The following FSIP1 variants were observed in gnomAD, a reference collection of about 807,000 sequenced individuals.
FSIP1 encodes fibrous sheath-interacting protein 1.
In FSIP1, 65 loss-of-function variants were observed where a neutral mutation model predicts 60.9. The observed-to-expected ratio is 1.07, with a 90% CI of 0.87 to 1.31. The LOEUF is 1.31. Among genes scored for constraint, FSIP1 ranks in the 40% most tolerant of loss-of-function variants. The pLI, the probability that FSIP1 is intolerant of heterozygous loss-of-function variation, is 0.00. For missense variants in FSIP1, 675 were observed against 665.5 expected (o/e 1.01, Z -0.16); for synonymous variants, 209 against 221.2 (o/e 0.94, Z 0.49).
At chr15:39,782,065 TTA>T (rs1322548728) in intron 1 of FSIP1, among the ~76,000 whole-genome samples, 1 of 152,198 alleles carries the variant, frequency 6.6e-6, no homozygotes, top group Non-Finnish European at 1.5e-5. Context: ...CAAAGAACAC[TTA>T]TGTTTCAAAT....
chr15:39,716,475 C>A (rs546560808), intron 9 of FSIP1, among the ~76,000 whole-genome samples: 1 of 152,086 alleles, frequency 6.6e-6, no homozygotes, highest in Non-Finnish European at 1.5e-5. Context: ...GACTTGTATC[C>A]AGAATATGTA....
chr15:39,604,009 G>A (rs1280042101), intron 11 of FSIP1, among the ~76,000 whole-genome samples: 3 of 152,148 alleles, frequency 2.0e-5, no homozygotes, highest in East Asian at 1.9e-4. Context: ...TCAGTTCACC[G>A]CAACCTCCAC....
At chr15:39,714,031 TTGCCC>T (rs1895639999) in intron 9 of FSIP1, among the ~76,000 whole-genome samples, 1 of 152,224 alleles carries the variant, frequency 6.6e-6, no homozygotes, top group South Asian at 2.1e-4. Context: ...TTTTGAATCT[TTGCCC>T]TGCCTGGTTC....
rs535953015 is a variant in FSIP1 at position 39,760,372 on chromosome 15, G to GA, written c.559+3448dup. Among the ~76,000 whole-genome samples the GA allele has an allele frequency of 1.4e-4, 22 of 151,964 alleles. No individual in the cohort carries two copies. The South Asian group carries it at 4.6e-3, about 32-fold the overall frequency. On this transcript the variant is annotated intron_variant, in intron 5 of 11. Coordinates refer to ENST00000350221, the MANE Select transcript of FSIP1 (RefSeq NM_152597.5). ...CCCAAGATATGTATTAATTGTAAAA[G>GA]AAAAAAATAGTAATTTTACAGTGCA...
chr15:39,630,012 T>C (rs1595550304), intron 10 of FSIP1, among the ~76,000 whole-genome samples: 1 of 152,296 alleles, frequency 6.6e-6, no homozygotes, highest in Middle Eastern at 3.4e-3. Flanking sequence ...CACAAATGGG[T>C]GACTTGTAGC....
chr15:39,749,042 T>G (rs1897082707), intron 5 of FSIP1, among the ~76,000 whole-genome samples: 1 of 151,666 alleles, frequency 6.6e-6, no homozygotes, highest in Non-Finnish European at 1.5e-5. Context: ...GTCAAAAAAT[T>G]TGATAACCTA....
chr15:39,657,035 C>CTT (rs1284467461), intron 10 of FSIP1, among the ~76,000 whole-genome samples: 7 of 152,202 alleles, frequency 4.6e-5, no homozygotes, highest in African/African-American at 1.7e-4. Context: ...GCTAAAACAG[C>CTT]ACCTTCTTTG....
chr15:39,747,644 G>A (rs1220868033), intron 5 of FSIP1, among the ~76,000 whole-genome samples: 1 of 152,136 alleles, frequency 6.6e-6, no homozygotes, highest in South Asian at 2.1e-4. Flanking sequence ...GAAGCAATAT[G>A]TAATCCCTAG....
chr15:39,680,647 A>G (rs905362383), intron 10 of FSIP1, among the ~76,000 whole-genome samples: 3 of 152,238 alleles, frequency 2.0e-5, no homozygotes, highest in Non-Finnish European at 2.9e-5. Context: ...TGGTAACTGT[A>G]GAACCACAGT....
intron 10 of FSIP1, among the ~76,000 whole-genome samples, chr15:39,639,125 T>C (rs1892254521): frequency 6.6e-6 from 1 of 152,128 alleles, no homozygotes; most frequent in Non-Finnish European, 1.5e-5. Flanking sequence ...GGTTAAAAAT[T>C]TACTGAATTC....
At chr15:39,672,760 AT>A (rs1303785982) in intron 10 of FSIP1, among the ~76,000 whole-genome samples, 3 of 152,234 alleles carry the variant, frequency 2.0e-5, no homozygotes, top group Non-Finnish European at 4.4e-5. Context: ...AAGAGCCAAA[AT>A]TAGAATCTAA....
At chr15:39,776,372 T>G in intron 2 of FSIP1, 27 bp downstream of exon 2, 1 of 1,603,026 alleles carries the variant, frequency 6.2e-7, no homozygotes, top group Non-Finnish European at 8.5e-7. Context: ...GGGAAAGGAG[T>G]TTAAATCTTT....
chr15:39,695,517 T>C (rs771898330), intron 10 of FSIP1, among the ~76,000 whole-genome samples: 12 of 152,166 alleles, frequency 7.9e-5, no homozygotes, highest in Non-Finnish European at 1.6e-4. Flanking sequence ...TAAATTCTTA[T>C]GGACACAAAT....
chr15:39,692,025 A>C (rs1443291144), intron 10 of FSIP1, among the ~76,000 whole-genome samples: 1 of 151,750 alleles, frequency 6.6e-6, no homozygotes, highest in Non-Finnish European at 1.5e-5. Context: ...GATTCTCTTT[A>C]AGTGCTGCAA....
chr15:39,632,517 A>AG (rs1331754180), intron 10 of FSIP1, among the ~76,000 whole-genome samples: 1 of 152,058 alleles, frequency 6.6e-6, no homozygotes, highest in Non-Finnish European at 1.5e-5. Context: ...TGTCTTGGCC[A>AG]GGCATGGTGG....
chr15:39,700,780 G>A (rs1211485655), intron 10 of FSIP1, among the ~76,000 whole-genome samples: 1 of 152,180 alleles, frequency 6.6e-6, no homozygotes, highest in East Asian at 1.9e-4. Flanking sequence ...TTGAGCATCT[G>A]CAAAGGATGA....
At chr15:39,670,944 T>A (rs985211610) in intron 10 of FSIP1, among the ~76,000 whole-genome samples, 1 of 152,156 alleles carries the variant, frequency 6.6e-6, no homozygotes, top group African/African-American at 2.4e-5. Flanking sequence ...ACCACATATA[T>A]ACCACTCAGG....
intron 9 of FSIP1, among the ~76,000 whole-genome samples, chr15:39,721,018 G>C (rs1895944849): frequency 6.6e-6 from 1 of 152,194 alleles, no homozygotes; most frequent in Non-Finnish European, 1.5e-5. Flanking sequence ...ATACGTAAAA[G>C]CCAAATGCTG....
At position 39,774,866 on chromosome 15, in the gene FSIP1, G is replaced by C. The variant is rs141549286; in HGVS notation, c.126+1533C>G. Among the ~76,000 whole-genome samples the C allele has an allele frequency of 4.5e-4, 68 of 152,316 alleles. No homozygotes were observed. The East Asian group carries it at 0.012, about 26-fold the overall frequency. On this transcript the variant is annotated intron_variant, in intron 2 of 11. Transcript: ENST00000350221. ...TGTGGCAGTGGCGGAAGCAGCAGCAGCAACTTTCTGATCTCTGGATTACAG... is the reference window on the plus strand; with the variant it reads ...TGTGGCAGTGGCGGAAGCAGCAGCACCAACTTTCTGATCTCTGGATTACAG...
Sources: allele counts gnomAD v4.1 joint callset (sites outside exome capture counted in the v4.1 genomes callset), GRCh38; gene constraint gnomAD v4.1.1; transcripts MANE v1.5; gene names NCBI Gene and HGNC (gene_info 2026-07-23, HGNC 2026-07-21).